Variants in SEMA4D observed in about 807,000 individuals in gnomAD.
SEMA4D encodes semaphorin 4D.
In SEMA4D, 22 loss-of-function variants were observed where a neutral mutation model predicts 74.8. That is an observed-to-expected ratio of 0.29 (90% CI 0.21 to 0.42). The LOEUF is 0.42. SEMA4D is among the 10% of genes least tolerant of loss of function. The pLI, the probability that SEMA4D is intolerant of heterozygous loss-of-function variation, is 1.00. For synonymous variants in SEMA4D, 445 were observed against 463.7 expected, an observed-to-expected ratio of 0.96 and a Z score of 0.52; for missense variants, 937 against 1,118.4, an observed-to-expected ratio of 0.84 and a Z score of 2.31.
At chr9:89,373,613 T>C (rs1221029198), downstream of SEMA4D, among the ~76,000 whole-genome samples, 1 of 152,218 alleles carries the variant, frequency 6.6e-6, no homozygotes, top group African/African-American at 2.4e-5. Context: ...AAAGACACTT[T>C]GCTAGCCCTT....
chr9:89,483,588 T>C (rs924863402), intron 1 of SEMA4D, among the ~76,000 whole-genome samples: 8 of 152,230 alleles, frequency 5.3e-5, no homozygotes. Context: ...TAGGGCCAGA[T>C]GTCACATGGG....
intron 2 of SEMA4D, among the ~76,000 whole-genome samples, chr9:89,421,534 G>A (rs1016924525): frequency 1.3e-5 from 2 of 152,180 alleles, no homozygotes; most frequent in African/African-American, 4.8e-5. Flanking sequence ...TGACTGGAAC[G>A]AGGCTATTCA....
intron 2 of SEMA4D, among the ~76,000 whole-genome samples, chr9:89,438,474 G>A (rs957004502): frequency 3.3e-5 from 5 of 152,236 alleles, no homozygotes; most frequent in African/African-American, 9.6e-5. Flanking sequence ...CAGAGCTGGG[G>A]TCATGCAATT....
intron 1 of SEMA4D, among the ~76,000 whole-genome samples, chr9:89,458,877 C>T (rs1856599083): frequency 1.3e-5 from 2 of 152,104 alleles, no homozygotes; most frequent in Admixed American, 1.3e-4. Context: ...CAAACACATG[C>T]ACAAACATAT....
intron 2 of SEMA4D, among the ~76,000 whole-genome samples, chr9:89,444,917 C>A (rs1293414828): frequency 6.6e-6 from 1 of 152,050 alleles, no homozygotes; most frequent in African/African-American, 2.4e-5. Flanking sequence ...ATCCAGAGCT[C>A]CTACAGATTG....
At chr9:89,473,605 C>T (rs1230558062) in intron 1 of SEMA4D, among the ~76,000 whole-genome samples, 2 of 152,148 alleles carry the variant, frequency 1.3e-5, no homozygotes, top group Non-Finnish European at 2.9e-5. Context: ...GCCTGTAATC[C>T]CAGTACTTTG....
rs982832566 is a variant in SEMA4D, at chr9:89,378,347, G to A, written c.*357C>T. 1.1e-4 allele frequency: 22 copies of A among 209,318 alleles called. No homozygotes were observed. The highest frequency in any genetic ancestry group is 4.4e-4 in the African/African-American group (19 of 43,560). 13.0% of individuals were successfully genotyped at this position (209,318 alleles called of 1,614,324 possible). Reference sequence around the variant, plus strand: ...TAAATAATCTTTTAGTGGCTGCTACGGGGAGGGGAAGCTGAAGGGATGCTC... The same window carrying A: ...TAAATAATCTTTTAGTGGCTGCTACAGGGAGGGGAAGCTGAAGGGATGCTC... On this transcript the variant is annotated 3_prime_UTR_variant, in exon 16 of 16. Transcript: ENST00000422704.
At chr9:89,384,704 G>A in intron 13 of SEMA4D, 1 of 985,462 alleles carries the variant, frequency 1.0e-6, no homozygotes, top group Non-Finnish European at 1.2e-6. Context: ...GAGAGGAGGT[G>A]AGGGTGGAGG....
intron 13 of SEMA4D, chr9:89,384,950 G>C (rs1703141828): frequency 1.0e-6 from 1 of 985,332 alleles, no homozygotes; most frequent in African/African-American, 1.7e-5. Flanking sequence ...ATTTCCGCTT[G>C]TCCAGGCAAC....
intron 9 of SEMA4D, among the ~76,000 whole-genome samples, 159 bp downstream of exon 9, chr9:89,391,105 A>AC (rs1244321817): frequency 6.6e-6 from 1 of 152,202 alleles, no homozygotes; most frequent in Non-Finnish European, 1.5e-5. Flanking sequence ...AGTCCCCACA[A>AC]CCCCCAGAAA....
chr9:89,465,224 C>A (rs1471314854), intron 1 of SEMA4D, among the ~76,000 whole-genome samples: 1 of 152,116 alleles, frequency 6.6e-6, no homozygotes, highest in Non-Finnish European at 1.5e-5. Flanking sequence ...AGCCCTTAGT[C>A]CGGTGCATCC....
In SEMA4D at chr9:89,387,464, C is replaced by T. The variant is rs1279557836; in HGVS notation, c.1252G>A (p.Val418Met). ...DNRPRLIKKDVNYTQIVVDRT... is the reference protein window; with the variant it reads ...DNRPRLIKKDMNYTQIVVDRT... ...TCCACCACGATCTGGGTGTAGTTCA[C>T]ATCTTTCTTGATTAACCTGGGCCTG... is the stretch of plus-strand genomic sequence containing the variant. The change falls in exon 12 of 16, where the codon GTG (valine) becomes ATG (methionine). Residue 418 changes from valine to methionine, a missense_variant. Transcript: ENST00000422704. 3 of 1,614,134 alleles carry T rather than the reference C, an allele frequency of 1.9e-6. No individual in the cohort carries two copies. Among genetic ancestry groups the T allele is most frequent in the Non-Finnish European group, 8.5e-7 (1 of 1,180,056 alleles).
At chr9:89,393,753 C>A (rs919794096) in intron 6 of SEMA4D, 98 bp from the exon 7 acceptor site, 3 of 948,414 alleles carry the variant, frequency 3.2e-6, no homozygotes, top group East Asian at 2.5e-5. Context: ...TTGCTCTTCT[C>A]GGAAGACCAA....
At chr9:89,417,507 A>C (rs987115548) in intron 2 of SEMA4D, among the ~76,000 whole-genome samples, 1 of 152,266 alleles carries the variant, frequency 6.6e-6, no homozygotes, top group Non-Finnish European at 1.5e-5. Context: ...AGTAATATGA[A>C]AATGATGAAG....
At chr9:89,407,897 T>A (rs564735475) in intron 2 of SEMA4D, among the ~76,000 whole-genome samples, 45 of 152,350 alleles carry the variant, frequency 3.0e-4, no homozygotes, top group Non-Finnish European at 2.2e-4. Flanking sequence ...CACTGCACAG[T>A]CTCATTCATC....
intron 18 of SEMA4D, chr9:89,362,493 C>G (rs1832848678): frequency 6.2e-7 from 1 of 1,613,726 alleles, no homozygotes. Flanking sequence ...CTCTGCAGCC[C>G]AGTCTGTCTC....
Position 89,446,146 on chromosome 9 carries a change from G to A in SEMA4D, c.-244+9742C>T, listed in dbSNP as rs73653408. 8.9e-3 allele frequency among the ~76,000 whole-genome samples: 1,348 copies of A among 152,214 alleles called. 20 individuals carry two copies. Among genetic ancestry groups the A allele is most frequent in the African/African-American group, 0.031 (1,278 of 41,520 alleles). On this transcript the variant is annotated intron_variant, in intron 2 of 15. Transcript: ENST00000422704. ...CCTGACCACTTATCTGGGCACCCGA[G>A]GCCCAGCCCAATTGGCAGATAAAAT... is the stretch of plus-strand genomic sequence containing the variant.
intron 2 of SEMA4D, among the ~76,000 whole-genome samples, chr9:89,420,229 C>T (rs981645455): frequency 1.3e-5 from 2 of 152,134 alleles, no homozygotes; most frequent in African/African-American, 4.8e-5. Context: ...AGTGAATTGC[C>T]CAGGCCCCAA....
chr9:89,386,751 G>T, intron 12 of SEMA4D: 1 of 364,210 alleles, frequency 2.7e-6, no homozygotes, highest in Non-Finnish European at 5.1e-6. Context: ...CTCACCAACA[G>T]TCGACATTAC....
Sources: gnomAD v4.1 joint callset for allele counts (sites outside exome capture counted in the v4.1 genomes callset) on GRCh38, gnomAD v4.1.1 for gene constraint, MANE v1.5 for transcripts, NCBI Gene and HGNC (gene_info 2026-07-23, HGNC 2026-07-21) for gene names.